The following MGST1 variants were observed in gnomAD, a reference collection of about 807,000 sequenced individuals.
MGST1 encodes glutathione S-transferase 12.
A neutral mutation model predicts 8.9 loss-of-function variants in MGST1; 5 were observed. The ratio of observed to expected loss-of-function variants is 0.56; its 90% confidence interval spans 0.29 to 1.19. The LOEUF (loss-of-function observed/expected upper bound fraction) is 1.19, where lower values mean the gene tolerates loss of function less well. Among genes scored for constraint, MGST1 ranks in the 50% most tolerant of loss-of-function variants. MGST1 has a pLI of 0.08. For synonymous variants in MGST1, 54 were observed against 67.8 expected, an observed-to-expected ratio of 0.80 and a Z score of 1.00; for missense variants, 182 against 187.4, an observed-to-expected ratio of 0.97 and a Z score of 0.17.
At chr12:16,504,494 A>G (rs1326833971) in intron 4 of MGST1, among the ~76,000 whole-genome samples, 4 of 151,786 alleles carry the variant, frequency 2.6e-5, no homozygotes, top group Non-Finnish European at 5.9e-5. Context: ...AATTTGCTCT[A>G]TGTTCTCATT....
downstream of MGST1, among the ~76,000 whole-genome samples, chr12:16,441,045 ACTT>A (rs1336155606): frequency 6.6e-6 from 1 of 151,760 alleles, no homozygotes; most frequent in Non-Finnish European, 1.5e-5. Flanking sequence ...TCTTTTACAT[ACTT>A]CTTATTTTTT....
intron 4 of MGST1, among the ~76,000 whole-genome samples, chr12:16,488,380 G>A (rs1227649716): frequency 6.6e-6 from 1 of 152,050 alleles, no homozygotes; most frequent in Admixed American, 6.6e-5. Context: ...CTCTGCACTA[G>A]ATACAGTGAT....
chr12:16,420,052 C>T (rs551665462), intron 1 of MGST1, among the ~76,000 whole-genome samples: 2 of 152,232 alleles, frequency 1.3e-5, no homozygotes, highest in African/African-American at 4.8e-5. Flanking sequence ...TAGAAGAAAA[C>T]ATTTATGTTA....
chr12:16,522,135 C>T (rs1165984787), intron 4 of MGST1, among the ~76,000 whole-genome samples: 1 of 152,086 alleles, frequency 6.6e-6, no homozygotes, highest in Non-Finnish European at 1.5e-5. Flanking sequence ...GAAGGTGAAG[C>T]GCTCGTACAT....
At chr12:16,579,681 C>A (rs1943099451) in intron 4 of MGST1, among the ~76,000 whole-genome samples, 1 of 152,212 alleles carries the variant, frequency 6.6e-6, no homozygotes, top group Non-Finnish European at 1.5e-5. Flanking sequence ...TCAACCCCAC[C>A]TAGCCTACTA....
intron 4 of MGST1, among the ~76,000 whole-genome samples, chr12:16,455,582 A>T (rs1234849837): frequency 6.6e-6 from 1 of 151,884 alleles, no homozygotes; most frequent in Admixed American, 6.6e-5. Flanking sequence ...AAAGTAGATG[A>T]TGCTAAAGAA....
chr12:16,553,987 T>C (rs756726691), intron 4 of MGST1, among the ~76,000 whole-genome samples: 7 of 152,246 alleles, frequency 4.6e-5, no homozygotes, highest in Middle Eastern at 3.4e-3. Flanking sequence ...TAATTACTTG[T>C]AGTATGCTCA....
chr12:16,569,257 T>C (rs1942726368), intron 4 of MGST1, among the ~76,000 whole-genome samples: 1 of 152,198 alleles, frequency 6.6e-6, no homozygotes, highest in Admixed American at 6.5e-5. Flanking sequence ...AGAACCTATA[T>C]CCCTTATCCA....
At chr12:16,501,976 T>G (rs1941508164) in intron 4 of MGST1, among the ~76,000 whole-genome samples, 1 of 152,130 alleles carries the variant, frequency 6.6e-6, no homozygotes, top group Admixed American at 6.5e-5. Context: ...ATAATAAACT[T>G]TATCAATATT....
In MGST1 at chr12:16,361,023, T is replaced by C. The variant is rs1037491159; in HGVS notation, c.222-2772T>C. On this transcript the variant is annotated intron_variant, in intron 3 of 3. Transcript: ENST00000396210. This position sits in a 1 kb window ranked among gnomAD's most constrained non-coding sequence, Gnocchi z 4.2. ...CAAAAGACCCACATGCATATAGGAATGGGAGAATGATATGAAGCCATGTTC... is the reference window on the plus strand; with the variant it reads ...CAAAAGACCCACATGCATATAGGAACGGGAGAATGATATGAAGCCATGTTC... Among the ~76,000 whole-genome samples, 1 of 122,346 alleles carries C rather than the reference T, an allele frequency of 8.2e-6. No individual in the cohort carries two copies. The highest frequency in any genetic ancestry group is 3.2e-5 in the African/African-American group (1 of 31,262). The allele number at this position is 122,346 out of a possible 152,430, so 80.3% of individuals were successfully genotyped here.
intron 4 of MGST1, among the ~76,000 whole-genome samples, chr12:16,480,301 C>T (rs1370754327): frequency 6.6e-6 from 1 of 151,948 alleles, no homozygotes; most frequent in East Asian, 1.9e-4. Context: ...CACCACCACA[C>T]CCAGCTAATT....
At chr12:16,528,077 G>A (rs1565469881) in intron 4 of MGST1, among the ~76,000 whole-genome samples, 2 of 152,138 alleles carry the variant, frequency 1.3e-5, no homozygotes, top group Middle Eastern at 3.4e-3. Flanking sequence ...TGACAGAGGC[G>A]ATTACTTTTG....
downstream of MGST1, among the ~76,000 whole-genome samples, chr12:16,442,556 T>C (rs773559382): frequency 4.6e-5 from 7 of 151,820 alleles, no homozygotes; most frequent in Non-Finnish European, 8.8e-5. The surrounding 1 kb of genome is among the most constrained non-coding windows in gnomAD (Gnocchi z 4.5). Context: ...TCCAGAACTT[T>C]GTGTCGAAAA....
intron 1 of MGST1, among the ~76,000 whole-genome samples, chr12:16,417,658 A>G (rs919962148): frequency 6.6e-6 from 1 of 152,150 alleles, no homozygotes; most frequent in African/African-American, 2.4e-5. Context: ...TAGTCTAACC[A>G]ATAAGGGGGT....
downstream of MGST1, among the ~76,000 whole-genome samples, chr12:16,378,848 G>C (rs558671080): frequency 2.6e-5 from 4 of 152,038 alleles, no homozygotes; most frequent in East Asian, 5.8e-4. Context: ...AGTTCTCCTT[G>C]AAGAGGTCCT....
At chr12:16,355,128 C>CCT (rs1263211270) in intron 2 of MGST1, among the ~76,000 whole-genome samples, 1 of 151,982 alleles carries the variant, frequency 6.6e-6, no homozygotes, top group East Asian at 1.9e-4. Flanking sequence ...TCTCTTAGGA[C>CCT]CTGTCCTGAG....
intron 1 of MGST1, among the ~76,000 whole-genome samples, chr12:16,434,442 T>TTG (rs34340683): frequency 0.22 from 33,390 of 150,002 alleles, 4,779 homozygotes; most frequent in East Asian, 0.42. Flanking sequence ...TTTATTTCAG[T>TTG]TGTGTGTGTG....
At position 16,497,127 on chromosome 12, in the gene MGST1, C is replaced by T. The variant is rs1941475717; in HGVS notation, n.483-92401C>T. ...TATGCCAGAAGGGAAAAGATGAGAA[C>T]CACTGAATCTGCATCCTTTGCTGTC... On this transcript the variant is annotated intron_variant and non_coding_transcript_variant, in intron 4 of 4. Coordinates refer to the MGST1 transcript ENST00000538857. This position sits in a 1 kb window ranked among gnomAD's most constrained non-coding sequence, Gnocchi z 4.4. Among the ~76,000 whole-genome samples the T allele has an allele frequency of 6.6e-6, 1 of 152,048 alleles. No homozygotes were observed. Among genetic ancestry groups the T allele is most frequent in the Non-Finnish European group, 1.5e-5 (1 of 67,988 alleles).
At chr12:16,450,408 T>A (rs1374351067) in intron 4 of MGST1, among the ~76,000 whole-genome samples, 1 of 151,906 alleles carries the variant, frequency 6.6e-6, no homozygotes, top group Admixed American at 6.6e-5. Context: ...GAAATGGCTG[T>A]TCCTTGGGAA....
Sources: allele counts gnomAD v4.1 joint callset (sites outside exome capture counted in the v4.1 genomes callset), GRCh38; gene constraint gnomAD v4.1.1; non-coding constraint Gnocchi (gnomAD v3.1); transcripts MANE v1.5; gene names NCBI Gene and HGNC (gene_info 2026-07-23, HGNC 2026-07-21).